BTBD9: variants seen among roughly 807,000 people sequenced by gnomAD.
BTBD9 encodes the protein BTB/POZ domain-containing protein 9.
In BTBD9, 49 loss-of-function variants were observed where a neutral mutation model predicts 64.3. That is an observed-to-expected ratio of 0.76 (90% CI 0.61 to 0.97). The LOEUF (loss-of-function observed/expected upper bound fraction) is 0.97, where lower values mean the gene tolerates loss of function less well. Ranked by LOEUF, BTBD9 falls within the 50% of genes least tolerant of loss-of-function variation. The pLI is 0.00. For missense variants in BTBD9, 598 were observed against 762.1 expected (o/e 0.78, Z 2.53); for synonymous variants, 260 against 274.7 (o/e 0.95, Z 0.53).
At chr6:38,559,151 G>C (rs950064301) in intron 6 of BTBD9, among the ~76,000 whole-genome samples, 2 of 152,132 alleles carry the variant, frequency 1.3e-5, no homozygotes, top group African/African-American at 4.8e-5. Flanking sequence ...TTAGGAAGTT[G>C]TCTGTTTCCA....
intron 7 of BTBD9, among the ~76,000 whole-genome samples, chr6:38,322,993 T>C (rs1763292927): frequency 6.6e-6 from 1 of 152,220 alleles, no homozygotes; most frequent in South Asian, 2.1e-4. Context: ...AAGTAATATG[T>C]ACTCAGAAGA....
At chr6:38,397,517 A>G (rs1461235395) in intron 6 of BTBD9, among the ~76,000 whole-genome samples, 1 of 152,214 alleles carries the variant, frequency 6.6e-6, no homozygotes, top group African/African-American at 2.4e-5. Flanking sequence ...AGGATTAATT[A>G]CCTTGAGGCA....
At chr6:38,302,079 A>G (rs1200201297) in intron 7 of BTBD9, among the ~76,000 whole-genome samples, 1 of 152,204 alleles carries the variant, frequency 6.6e-6, no homozygotes, top group African/African-American at 2.4e-5. Context: ...AAATCAAATC[A>G]GCATCTTCAG....
At chr6:38,554,787 T>C (rs1033710863) in intron 6 of BTBD9, among the ~76,000 whole-genome samples, 1 of 152,216 alleles carries the variant, frequency 6.6e-6, no homozygotes, top group African/African-American at 2.4e-5. Flanking sequence ...AATAATGGGC[T>C]TCCAGAAGCT....
Position 38,560,981 on chromosome 6 carries a change from C to T in BTBD9, c.1154+16619G>A, listed in dbSNP as rs193198577. Among the ~76,000 whole-genome samples, 14 of 152,254 alleles carry T rather than the reference C, an allele frequency of 9.2e-5. No homozygotes were observed. In the East Asian group the frequency reaches 2.5e-3, roughly 27 times the overall value. ...ACCACATTTTCTTTATCCAGTCTAC[C>T]ATTGATGGGCATTTAGGTTAATTCC... On this transcript the variant is annotated intron_variant, in intron 6 of 10. Transcript: ENST00000481247.
intron 6 of BTBD9, among the ~76,000 whole-genome samples, chr6:38,448,871 C>T (rs1769393959): frequency 6.6e-6 from 1 of 152,120 alleles, no homozygotes; most frequent in South Asian, 2.1e-4. Flanking sequence ...CCCCTTGTCC[C>T]CAGAGTTCTA....
At chr6:38,511,857 CT>C (rs1207794865) in intron 6 of BTBD9, among the ~76,000 whole-genome samples, 1 of 152,110 alleles carries the variant, frequency 6.6e-6, no homozygotes, top group African/African-American at 2.4e-5. Context: ...CTGGGAAGGA[CT>C]TAACCTTAGA....
chr6:38,549,456 A>G (rs1451966138), intron 6 of BTBD9, among the ~76,000 whole-genome samples: 2 of 152,174 alleles, frequency 1.3e-5, no homozygotes, highest in African/African-American at 4.8e-5. Flanking sequence ...TTTGTCCCCA[A>G]ACAGGCTGGC....
At chr6:38,343,328 C>A (rs896706089) in intron 7 of BTBD9, among the ~76,000 whole-genome samples, 3 of 152,184 alleles carry the variant, frequency 2.0e-5, no homozygotes, top group Non-Finnish European at 4.4e-5. Flanking sequence ...TTATTTCTTT[C>A]ATAATTACAG....
intron 7 of BTBD9, among the ~76,000 whole-genome samples, chr6:38,299,556 G>C (rs1685565451): frequency 6.6e-6 from 1 of 152,068 alleles, no homozygotes; most frequent in Non-Finnish European, 1.5e-5. Flanking sequence ...ATTCTAACTG[G>C]TGTGAGATGG....
chr6:38,283,971 A>G (rs1761620816), intron 8 of BTBD9, among the ~76,000 whole-genome samples: 1 of 152,212 alleles, frequency 6.6e-6, no homozygotes, highest in South Asian at 2.1e-4. Context: ...ATAAATGTCT[A>G]TCTGGCCACA....
chr6:38,373,268 T>A (rs1421881902), intron 6 of BTBD9, among the ~76,000 whole-genome samples: 2 of 152,222 alleles, frequency 1.3e-5, no homozygotes, highest in Non-Finnish European at 2.9e-5. Flanking sequence ...TATAAATAAT[T>A]AGTCATAGAC....
intron 6 of BTBD9, among the ~76,000 whole-genome samples, chr6:38,546,525 A>G (rs954748570): frequency 3.3e-5 from 5 of 152,346 alleles, no homozygotes; most frequent in Middle Eastern, 3.4e-3. Context: ...GAAGGTCTGC[A>G]GCAACTCCAT....
chr6:38,620,928 C>T (rs1167316637), intron 1 of BTBD9, among the ~76,000 whole-genome samples: 1 of 152,126 alleles, frequency 6.6e-6, no homozygotes. Context: ...TTAAAGCAGG[C>T]CCTAGTACAA....
chr6:38,234,186 T>G (rs1763702026), intron 9 of BTBD9, among the ~76,000 whole-genome samples: 1 of 148,768 alleles, frequency 6.7e-6, no homozygotes, highest in Non-Finnish European at 1.5e-5. Context: ...TGTTGTTCTA[T>G]ATGACTCTAT....
chr6:38,291,402 G>A (rs1230773450), intron 7 of BTBD9, among the ~76,000 whole-genome samples: 3 of 152,144 alleles, frequency 2.0e-5, no homozygotes, highest in East Asian at 1.9e-4. Context: ...GGGTTGAGAC[G>A]ATGGGATTAT....
chr6:38,612,925 T>A (rs1310621476), intron 1 of BTBD9: 1 of 152,216 alleles, frequency 6.6e-6, no homozygotes, highest in Non-Finnish European at 1.5e-5. Flanking sequence ...CAGTGTCTAA[T>A]TTCCATCAAC....
intron 2 of BTBD9, among the ~76,000 whole-genome samples, chr6:38,596,708 G>A (rs1407074940): frequency 6.6e-6 from 1 of 151,882 alleles, no homozygotes; most frequent in Admixed American, 6.6e-5. Flanking sequence ...GGCTGAGGCA[G>A]GAGAATGGCG....
chr6:38,574,667 A>G lies in BTBD9; in HGVS notation c.1154+2933T>C, dbSNP rs540372416. On this transcript the variant is annotated intron_variant, in intron 6 of 10. Coordinates refer to ENST00000481247, the MANE Select transcript of BTBD9 (RefSeq NM_001099272.2). ...AAATGTGCTGTATCATCTAACTCTCACATCAAACCCCATGAAGAGGTGTTG... is the reference window on the plus strand; with the variant it reads ...AAATGTGCTGTATCATCTAACTCTCGCATCAAACCCCATGAAGAGGTGTTG... 2.6e-5 allele frequency among the ~76,000 whole-genome samples: 4 copies of G among 152,286 alleles called. No homozygotes were observed. In the South Asian group the frequency reaches 8.3e-4, roughly 32 times the overall value.
Sources: gnomAD v4.1 joint callset for allele counts (sites outside exome capture counted in the v4.1 genomes callset) on GRCh38, gnomAD v4.1.1 for gene constraint, MANE v1.5 for transcripts, NCBI Gene and HGNC (gene_info 2026-07-23, HGNC 2026-07-21) for gene names.